RYR2: variants seen among roughly 807,000 people sequenced by gnomAD.
RYR2 encodes ryanodine receptor 2, also known as cardiac muscle ryanodine receptor-calcium release channel.
A neutral mutation model predicts 601.1 loss-of-function variants in RYR2; 227 were observed. That is an observed-to-expected ratio of 0.38 (90% CI 0.34 to 0.42). The LOEUF is 0.42. Among genes scored for constraint, RYR2 ranks in the 10% least tolerant of loss-of-function variants. RYR2 has a pLI of 1.00. For synonymous variants in RYR2, 2,223 were observed against 2,175.1 expected, an observed-to-expected ratio of 1.02 and a Z score of -0.61; for missense variants, 4,646 against 6,156.5, an observed-to-expected ratio of 0.75 and a Z score of 8.21.
chr1:237,831,436 A>G (rs1342551270), intron 103 of RYR2, 78 bp from the exon 104 acceptor site: 3 of 812,018 alleles, frequency 3.7e-6, no homozygotes, highest in South Asian at 3.2e-5. Flanking sequence ...TTGCAACCAT[A>G]CAATTTATCT....
chr1:237,055,070 G>C (rs912063054), intron 1 of RYR2, among the ~76,000 whole-genome samples: 1 of 152,118 alleles, frequency 6.6e-6, no homozygotes, highest in East Asian at 1.9e-4. Context: ...ATCCTGTCAC[G>C]CTCCCAGCCC....
intron 58 of RYR2, among the ~76,000 whole-genome samples, chr1:237,673,680 C>T (rs573574478): frequency 2.8e-4 from 43 of 152,224 alleles, no homozygotes; most frequent in African/African-American, 9.6e-4. Flanking sequence ...TCTCTCTGTG[C>T]GACAGCAGAT....
intron 1 of RYR2, among the ~76,000 whole-genome samples, chr1:237,242,066 A>G (rs1406107827): frequency 6.6e-6 from 1 of 152,182 alleles, no homozygotes; most frequent in African/African-American, 2.4e-5. Context: ...TTTCTTCTTG[A>G]CTATTTTAAG....
intron 25 of RYR2, among the ~76,000 whole-genome samples, chr1:237,544,338 C>T (rs1287097627): frequency 2.0e-5 from 3 of 152,030 alleles, no homozygotes; most frequent in East Asian, 3.9e-4. Flanking sequence ...AAAAGTCTGT[C>T]GGCTGATTCT....
chr1:237,526,261 A>T (rs981308856), intron 24 of RYR2, among the ~76,000 whole-genome samples: 1 of 152,020 alleles, frequency 6.6e-6, no homozygotes, highest in Non-Finnish European at 1.5e-5. Flanking sequence ...ATGATTGGTA[A>T]TTCAGATCAT....
At chr1:237,276,168 C>T (rs1019814685) in intron 2 of RYR2, among the ~76,000 whole-genome samples, 3 of 152,134 alleles carry the variant, frequency 2.0e-5, no homozygotes, top group African/African-American at 7.2e-5. Flanking sequence ...AGCACGAACT[C>T]GGCTAACTGA....
intron 10 of RYR2, among the ~76,000 whole-genome samples, chr1:237,406,802 T>G (rs138792904): frequency 1.3e-5 from 2 of 152,328 alleles, no homozygotes; most frequent in African/African-American, 4.8e-5. Flanking sequence ...TTCTTGTTAT[T>G]AACATCTTGT....
At chr1:237,440,058 GATA>G (rs1274580696) in intron 12 of RYR2, among the ~76,000 whole-genome samples, 2 of 152,044 alleles carry the variant, frequency 1.3e-5, no homozygotes, top group Non-Finnish European at 2.9e-5. Context: ...CAACTTAATT[GATA>G]ATTATATATT....
At chr1:237,581,552 C>T (rs1389282412) in intron 29 of RYR2, among the ~76,000 whole-genome samples, 1 of 152,024 alleles carries the variant, frequency 6.6e-6, no homozygotes, top group Non-Finnish European at 1.5e-5. Flanking sequence ...AAAAAGAAGC[C>T]AGGATATAGA....
chr1:237,360,770 C>G (rs1432442904), intron 4 of RYR2, among the ~76,000 whole-genome samples: 2 of 152,188 alleles, frequency 1.3e-5, no homozygotes, highest in Admixed American at 1.3e-4. Flanking sequence ...GACTGGTGGA[C>G]AAGCCTCTTT....
intron 3 of RYR2, among the ~76,000 whole-genome samples, chr1:237,343,155 C>T (rs753267543): frequency 1.7e-4 from 26 of 151,706 alleles, no homozygotes; most frequent in Non-Finnish European, 2.9e-4. Flanking sequence ...CTTGGGAGAT[C>T]GAGGCTGCGG....
intron 98 of RYR2, among the ~76,000 whole-genome samples, chr1:237,805,580 CAAAAAAA>C (rs772404939): frequency 3.5e-3 from 133 of 37,684 alleles, no homozygotes; most frequent in African/African-American, 0.01. Context: ...GACTCTGTCT[CAAAAAAA>C]AAAAAAAAAA....
intron 100 of RYR2, among the ~76,000 whole-genome samples, chr1:237,816,683 T>C (rs887761003): frequency 7.3e-5 from 8 of 109,858 alleles, no homozygotes; most frequent in Non-Finnish European, 1.1e-4. Context: ...AGCGAGACTC[T>C]ATGTAGAAAG....
intron 16 of RYR2, among the ~76,000 whole-genome samples, chr1:237,464,147 C>T (rs551858151): frequency 1.3e-5 from 2 of 152,180 alleles, no homozygotes; most frequent in Admixed American, 1.3e-4. Context: ...TCACCTATTC[C>T]CTCCTCTCCT....
In RYR2 at chr1:237,686,316, C is replaced by T. The variant is rs116706284; in HGVS notation, c.9018-1139C>T. On this transcript the variant is annotated intron_variant, in intron 62 of 104. Coordinates refer to ENST00000366574, the MANE Select transcript of RYR2 (RefSeq NM_001035.3). ...TGTGCTCTCTGAGAGCTGAGAAGAG[C>T]GTGAGTAGATTTGAAAATAATGTCA... Among the ~76,000 whole-genome samples the T allele has an allele frequency of 5.1e-3, 771 of 152,140 alleles. 3 individuals are homozygous for T. Among genetic ancestry groups the T allele is most frequent in the African/African-American group, 0.014 (589 of 41,510 alleles).
intron 101 of RYR2, among the ~76,000 whole-genome samples, chr1:237,820,662 C>T (rs1483448316): frequency 6.6e-6 from 1 of 152,160 alleles, no homozygotes; most frequent in Non-Finnish European, 1.5e-5. Flanking sequence ...CCTGGGATGC[C>T]AGCGAGACAG....
At chr1:237,322,316 T>G (rs1445413221) in intron 2 of RYR2, among the ~76,000 whole-genome samples, 1 of 152,212 alleles carries the variant, frequency 6.6e-6, no homozygotes, top group Non-Finnish European at 1.5e-5. Context: ...ACTTACTGTC[T>G]TCGCTTTTCT....
Position 237,519,522 on chromosome 1 carries a change from G to A in RYR2, c.2822+7731G>A, listed in dbSNP as rs552792503. ...GGCCATCCAGTTTTCCCAGCAACAT[G>A]TATTGAAGAGTGTATCCTTTCTCCA... On this transcript the variant is annotated intron_variant, in intron 24 of 104. Transcript: ENST00000366574. Among the ~76,000 whole-genome samples the A allele has an allele frequency of 2.6e-5, 4 of 152,246 alleles. No homozygotes were observed. The South Asian group carries it at 8.3e-4, about 32-fold the overall frequency.
At chr1:237,801,781 C>G in intron 97 of RYR2, 75 bp from the exon 98 acceptor site, 1 of 857,174 alleles carries the variant, frequency 1.2e-6, no homozygotes, top group Non-Finnish European at 1.8e-6. Context: ...AATGTGAAGG[C>G]CGTCAGGCTC....
Sources: allele counts gnomAD v4.1 joint callset (sites outside exome capture counted in the v4.1 genomes callset), GRCh38; gene constraint gnomAD v4.1.1; transcripts MANE v1.5; gene names NCBI Gene and HGNC (gene_info 2026-07-23, HGNC 2026-07-21).